Variants in CHD9 observed in about 807,000 individuals in gnomAD.
The protein encoded by CHD9 is chromodomain helicase DNA binding protein 9.
A neutral mutation model predicts 316.1 loss-of-function variants in CHD9; 77 were observed. The ratio of observed to expected loss-of-function variants is 0.24; its 90% CI spans 0.20 to 0.29. The LOEUF is 0.29. Ranked by LOEUF, CHD9 falls within the 10% of genes least tolerant of loss-of-function variation. The pLI is 1.00. For missense variants in CHD9, 2,763 were observed against 3,438.1 expected, an observed-to-expected ratio of 0.80 and a Z score of 4.91; for synonymous variants, 1,129 against 1,158.3, an observed-to-expected ratio of 0.97 and a Z score of 0.51.
chr16:53,213,902 T>C (rs934105366), intron 3 of CHD9, among the ~76,000 whole-genome samples: 2 of 152,148 alleles, frequency 1.3e-5, no homozygotes, highest in African/African-American at 4.8e-5. Flanking sequence ...CTCTTCCTTT[T>C]TGTATTAACC....
chr16:53,231,311 A>C (rs1176713281), intron 8 of CHD9, 108 bp from the exon 9 acceptor site: 1 of 546,206 alleles, frequency 1.8e-6, no homozygotes, highest in Admixed American at 3.5e-5. Context: ...TGGACATTTA[A>C]CTGAAATCAA....
At chr16:53,094,934 C>T (rs1004770976) in intron 1 of CHD9, among the ~76,000 whole-genome samples, 3 of 152,122 alleles carry the variant, frequency 2.0e-5, no homozygotes, top group East Asian at 1.9e-4. Flanking sequence ...CCACCGCGCC[C>T]GGCCTTGTTT....
In CHD9 at chr16:53,324,302, G is replaced by A. The variant is rs1432867160; in HGVS notation, c.8101G>A (p.Gly2701Arg). 5 of 1,613,984 alleles carry A rather than the reference G, an allele frequency of 3.1e-6. No homozygotes were observed. Among genetic ancestry groups the A allele is most frequent in the Non-Finnish European group, 4.2e-6 (5 of 1,179,880 alleles). ...LMGMPTGLPS[G>R]GEAKNMAAMF... The stretch of plus-strand genomic sequence containing the variant: ...GGGAATGCCTACCGGCCTTCCTTCT[G>A]GAGGAGAAGCTAAAAACATGGCTGC... The change falls in exon 39 of 39, where the codon GGA (glycine) becomes AGA (arginine). Residue 2701 changes from glycine (G) to arginine (R), a missense_variant. Gly to Arg is a moderately radical substitution (Grantham distance 125). Transcript: ENST00000447540.
At chr16:53,088,166 T>A (rs925284529) in intron 1 of CHD9, among the ~76,000 whole-genome samples, 2 of 151,886 alleles carry the variant, frequency 1.3e-5, no homozygotes, top group African/African-American at 4.8e-5. Flanking sequence ...AGCCCCTATA[T>A]CCTTTCAGGT....
intron 26 of CHD9, among the ~76,000 whole-genome samples, chr16:53,287,395 A>T (rs1443310410): frequency 6.6e-6 from 1 of 152,224 alleles, no homozygotes. Flanking sequence ...CCAAAGAGAA[A>T]AGTAAGGAAC....
chr16:53,266,321 T>C (rs1011188427), intron 20 of CHD9, among the ~76,000 whole-genome samples: 2 of 152,284 alleles, frequency 1.3e-5, no homozygotes, highest in African/African-American at 4.8e-5. Flanking sequence ...ATGCATTCCA[T>C]ACATATTATG....
chr16:53,208,121 T>C (rs1015548228), intron 2 of CHD9: 2 of 1,043,722 alleles, frequency 1.9e-6, no homozygotes, highest in African/African-American at 1.7e-5. Context: ...CATACCTAAA[T>C]AGGATGAACA....
At chr16:53,229,696 C>T (rs1024701639) in intron 8 of CHD9, among the ~76,000 whole-genome samples, 4 of 152,114 alleles carry the variant, frequency 2.6e-5, no homozygotes, top group Admixed American at 6.5e-5. Context: ...ACTAGATTTC[C>T]GAAATGTTAA....
At chr16:53,257,033 A>G (rs1393051900) in intron 19 of CHD9, among the ~76,000 whole-genome samples, 2 of 152,220 alleles carry the variant, frequency 1.3e-5, no homozygotes, top group Non-Finnish European at 2.9e-5. Context: ...AAAATAAAGT[A>G]GGAGATTATT....
At chr16:53,290,946 A>G (rs922004568) in intron 27 of CHD9, among the ~76,000 whole-genome samples, 1 of 152,242 alleles carries the variant, frequency 6.6e-6, no homozygotes, top group African/African-American at 2.4e-5. Context: ...AGAGACAATA[A>G]GAAAGAAGCA....
intron 1 of CHD9, among the ~76,000 whole-genome samples, chr16:53,063,577 G>A (rs1268889607): frequency 2.0e-5 from 3 of 151,686 alleles, no homozygotes; most frequent in Non-Finnish European, 4.4e-5. Context: ...CTGTCGCCCA[G>A]GCTGGAGTGC....
intron 10 of CHD9, among the ~76,000 whole-genome samples, chr16:53,234,285 C>T (rs186465474): frequency 2.0e-4 from 31 of 152,188 alleles, no homozygotes; most frequent in Middle Eastern, 6.8e-3. Flanking sequence ...ATCATGTCTT[C>T]TATAATATAA....
Position 53,288,126 on chromosome 16 carries a change from TC to T in CHD9, c.5247+114del, listed in dbSNP as rs1169454660. On this transcript the variant is annotated intron_variant, in intron 27 of 38. Coordinates refer to ENST00000447540, the MANE Select transcript of CHD9 (RefSeq NM_001308319.2). ...TTTTCATTATACATAATTCTTCTGTTCCTCAGATTAGCTAAGTAAGTGATCA... is the reference window on the plus strand; with the variant it reads ...TTTTCATTATACATAATTCTTCTGTTCTCAGATTAGCTAAGTAAGTGATCA... 5.2e-6 allele frequency: 4 copies of T among 767,560 alleles called. No individual in the cohort carries two copies. The African/African-American group carries it at 7.0e-5, about 13-fold the overall frequency. 47.5% of individuals were successfully genotyped at this position (767,560 alleles called of 1,614,324 possible).
chr16:53,112,169 A>G (rs920962755), intron 1 of CHD9, among the ~76,000 whole-genome samples: 22 of 152,234 alleles, frequency 1.4e-4, no homozygotes, highest in African/African-American at 5.3e-4. Context: ...AACTGCTTTC[A>G]ACTTTCAACT....
At chr16:53,281,294 A>G (rs1292163822) in intron 24 of CHD9, among the ~76,000 whole-genome samples, 4 of 151,846 alleles carry the variant, frequency 2.6e-5, no homozygotes, top group Non-Finnish European at 4.4e-5. Flanking sequence ...CTTCCCATGT[A>G]CAAGCCTTCT....
intron 1 of CHD9, among the ~76,000 whole-genome samples, chr16:53,079,362 A>G (rs1429815104): frequency 1.3e-5 from 2 of 152,192 alleles, no homozygotes; most frequent in Non-Finnish European, 2.9e-5. Context: ...GATTGAACCA[A>G]TGACTTAGCA....
At chr16:53,316,228 TA>T (rs2056875465) in intron 36 of CHD9, among the ~76,000 whole-genome samples, 1 of 152,206 alleles carries the variant, frequency 6.6e-6, no homozygotes, top group Non-Finnish European at 1.5e-5. Flanking sequence ...ATTGCAATCC[TA>T]AAAATAATGG....
intron 2 of CHD9, among the ~76,000 whole-genome samples, chr16:53,184,022 G>A (rs867806969): frequency 4.6e-5 from 7 of 151,044 alleles, no homozygotes; most frequent in Admixed American, 1.3e-4. Context: ...TCGGCTCACT[G>A]CAAGCTCCTC....
In CHD9 at chr16:53,229,008, A is replaced by G. The variant is rs1028468407; in HGVS notation, c.2194A>G (p.Thr732Ala). The change falls in exon 8 of 39, where the codon ACA becomes GCA. Residue 732 changes from threonine to alanine, a missense_variant. Transcript: ENST00000447540. ...CTCCTATCTTCACTGTGAGTGGGCC[A>G]CAGAAGAGCAGCTTTTGAAAGATAA... is the stretch of plus-strand genomic sequence containing the variant. ...NYSYLHCEWA[T>A]EEQLLKDKRI... The G allele has an allele frequency of 1.3e-6, 2 of 1,587,042 alleles. No individual in the cohort carries two copies. The highest frequency in any genetic ancestry group is 1.7e-6 in the Non-Finnish European group (2 of 1,165,608).
Sources: gnomAD v4.1 joint callset for allele counts (sites outside exome capture counted in the v4.1 genomes callset) on GRCh38, gnomAD v4.1.1 for gene constraint, MANE v1.5 for transcripts, NCBI Gene and HGNC (gene_info 2026-07-23, HGNC 2026-07-21) for gene names.